RB1: variants seen among roughly 807,000 people sequenced by gnomAD.
The protein encoded by RB1 is retinoblastoma-associated protein.
Under a neutral mutation model 135.4 loss-of-function variants are expected in RB1, and 18 were observed. That is an observed-to-expected ratio of 0.13 (90% CI 0.09 to 0.20). The LOEUF (loss-of-function observed/expected upper bound fraction) is 0.20. RB1 is among the 10% of genes least tolerant of loss of function. RB1 has a pLI of 1.00. For synonymous variants in RB1, 365 were observed against 373.2 expected (o/e 0.98, Z 0.25); for missense variants, 868 against 1,110.0 (o/e 0.78, Z 3.10).
chr13:48,479,012 A>T (rs997547473), intron 26 of RB1, among the ~76,000 whole-genome samples: 1 of 152,160 alleles, frequency 6.6e-6, no homozygotes, highest in Non-Finnish European at 1.5e-5. Context: ...GGATTGCTTG[A>T]GGCCAGGAGT....
intron 12 of RB1, among the ~76,000 whole-genome samples, chr13:48,374,406 C>T (rs1285180643): frequency 6.6e-6 from 1 of 152,204 alleles, no homozygotes; most frequent in South Asian, 2.1e-4. Context: ...TGGCTTATTT[C>T]AGCAACTGTG....
chr13:48,329,500 T>G (rs1249431517), intron 2 of RB1, among the ~76,000 whole-genome samples: 1 of 152,238 alleles, frequency 6.6e-6, no homozygotes, highest in Non-Finnish European at 1.5e-5. Context: ...ATTTTAGTTA[T>G]TGTAGCTTTA....
intron 6 of RB1, among the ~76,000 whole-genome samples, chr13:48,349,446 A>T (rs1399473419): frequency 6.6e-6 from 1 of 151,958 alleles, no homozygotes; most frequent in Non-Finnish European, 1.5e-5. Flanking sequence ...TTGTTTATGC[A>T]AACAGTGTTA....
intron 6 of RB1, among the ~76,000 whole-genome samples, chr13:48,358,225 C>T (rs1952609932): frequency 6.6e-6 from 1 of 152,062 alleles, no homozygotes; most frequent in Admixed American, 6.6e-5. Context: ...AGATTGGGTT[C>T]TCTGTCTGAT....
At chr13:48,415,313 T>A (rs2138216834) in intron 17 of RB1, among the ~76,000 whole-genome samples, 1 of 151,822 alleles carries the variant, frequency 6.6e-6, no homozygotes. Flanking sequence ...TTTTTCTCAC[T>A]CTGCCGCCCA....
At chr13:48,328,733 A>G (rs1952309470) in intron 2 of RB1, among the ~76,000 whole-genome samples, 1 of 152,222 alleles carries the variant, frequency 6.6e-6, no homozygotes, top group Non-Finnish European at 1.5e-5. Context: ...TGTCAGAAAT[A>G]GATACAAGAA....
At chr13:48,360,200 A>G in intron 7 of RB1, 73 bp downstream of exon 7, 1 of 1,598,036 alleles carries the variant, frequency 6.3e-7, no homozygotes, top group Non-Finnish European at 8.5e-7. Flanking sequence ...TGGGTACCAA[A>G]CATGGTTCTA....
At chr13:48,402,649 T>G (rs1259197904) in intron 17 of RB1, among the ~76,000 whole-genome samples, 1 of 152,112 alleles carries the variant, frequency 6.6e-6, no homozygotes, top group Admixed American at 6.6e-5. Flanking sequence ...AGTGCTGGGA[T>G]TAGTCATGAG....
chr13:48,449,108 C>T (rs886513601), intron 17 of RB1, among the ~76,000 whole-genome samples: 1 of 151,466 alleles, frequency 6.6e-6, no homozygotes, highest in African/African-American at 2.4e-5. Context: ...GCGTAATCGC[C>T]GTTTTTTTTT....
At chr13:48,448,968 A>G (rs1257129187) in intron 17 of RB1, among the ~76,000 whole-genome samples, 5 of 152,194 alleles carry the variant, frequency 3.3e-5, no homozygotes, top group African/African-American at 1.2e-4. Flanking sequence ...TTTTATTGCT[A>G]ATGGCTTTTT....
At chr13:48,328,882 T>C (rs1276868886) in intron 2 of RB1, among the ~76,000 whole-genome samples, 2 of 152,222 alleles carry the variant, frequency 1.3e-5, no homozygotes, top group Non-Finnish European at 2.9e-5. Context: ...TTTAAATATC[T>C]CTCCATTCTA....
chr13:48,436,758 CA>C (rs1949188632), intron 17 of RB1, among the ~76,000 whole-genome samples: 1 of 152,244 alleles, frequency 6.6e-6, no homozygotes, highest in East Asian at 1.9e-4. Context: ...TCAGAAAGGC[CA>C]AGGTCTGCCA....
intron 5 of RB1, among the ~76,000 whole-genome samples, 158 bp downstream of exon 5, chr13:48,348,021 C>T (rs1308353431): frequency 6.6e-6 from 1 of 151,600 alleles, no homozygotes; most frequent in South Asian, 2.1e-4. Flanking sequence ...TATTTATCTT[C>T]TCACAAAGAA....
chr13:48,339,112 C>T (rs557644961), intron 2 of RB1, among the ~76,000 whole-genome samples: 3 of 152,302 alleles, frequency 2.0e-5, no homozygotes, highest in East Asian at 3.9e-4. Context: ...TTAGGCTACT[C>T]AGGGGTCAGG....
At position 48,347,870 on chromosome 13, in the gene RB1, A is replaced by G. The variant is rs1952512135; in HGVS notation, c.539+7A>G. 3 of 1,575,264 alleles carry G rather than the reference A, an allele frequency of 1.9e-6. No homozygotes were observed. Among genetic ancestry groups the G allele is most frequent in the Non-Finnish European group, 1.7e-6 (2 of 1,146,362 alleles). ...TGACACAACCCAGCAGTTCGTAAGT[A>G]GTTCACAGAATGTTATTTTTCACTT... On this transcript the variant is annotated splice_region_variant and intron_variant, in intron 5 of 26. Transcript: ENST00000267163.
chr13:48,376,070 A>G (rs1242726287), intron 12 of RB1, among the ~76,000 whole-genome samples: 1 of 152,064 alleles, frequency 6.6e-6, no homozygotes, highest in Non-Finnish European at 1.5e-5. Context: ...ATGTGTTTTA[A>G]TTATTAAAGT....
At chr13:48,326,245 A>G (rs1467367901) in intron 2 of RB1, among the ~76,000 whole-genome samples, 2 of 152,158 alleles carry the variant, frequency 1.3e-5, no homozygotes, top group Non-Finnish European at 2.9e-5. Flanking sequence ...AACAGTATCC[A>G]AAATTATCCT....
rs886050266 is a variant in RB1 at position 48,303,760 on chromosome 13, G to C, written c.-153G>C. ...GTTGGACGCGGCGCTCAGTTGCCGG[G>C]CGGGGGAGGGCGCGTCCGGTTTTTC... On this transcript the variant is annotated 5_prime_UTR_variant, in exon 1 of 27. Transcript: ENST00000267163. The C allele has an allele frequency of 1.7e-6, 2 of 1,209,354 alleles. No homozygotes were observed. The highest frequency in any genetic ancestry group is 6.4e-5 in the Admixed American group (2 of 31,012). 74.9% of individuals were successfully genotyped at this position (1,209,354 alleles called of 1,614,324 possible). A position where few individuals can be genotyped will look rare whatever the true frequency, so the allele number is the denominator to read the frequency against.
intron 2 of RB1, chr13:48,320,093 A>C: frequency 9.2e-6 from 6 of 648,858 alleles, no homozygotes; most frequent in Non-Finnish European, 1.6e-5. Flanking sequence ...GGCTTCCGCA[A>C]TGTCCCGGTC....
Sources: gnomAD v4.1 joint callset for allele counts (sites outside exome capture counted in the v4.1 genomes callset) on GRCh38, gnomAD v4.1.1 for gene constraint, MANE v1.5 for transcripts, NCBI Gene and HGNC (gene_info 2026-07-23, HGNC 2026-07-21) for gene names.